The following FBXW11 variants were observed in gnomAD, a reference collection of about 807,000 sequenced individuals.
The protein encoded by FBXW11 is F-box/WD repeat-containing protein 11.
Under a neutral mutation model 77.6 loss-of-function variants are expected in FBXW11, and 19 were observed. The ratio of observed to expected loss-of-function variants is 0.24; its 90% confidence interval spans 0.17 to 0.36. The LOEUF (loss-of-function observed/expected upper bound fraction) is 0.36, where lower values mean the gene tolerates loss of function less well. Ranked by LOEUF, FBXW11 falls within the 10% of genes least tolerant of loss-of-function variation. The probability of loss-of-function intolerance (pLI) is 1.00; values close to 1 mark genes in which losing one functional copy is unlikely to be tolerated. For synonymous variants in FBXW11, 235 were observed against 249.4 expected (o/e 0.94, Z 0.54); for missense variants, 334 against 704.2 (o/e 0.47, Z 5.95).
rs575096832 is a variant in FBXW11 at position 171,880,648 on chromosome 5, T to C, written c.853-2519A>G. On this transcript the variant is annotated intron_variant, in intron 7 of 13. Coordinates refer to ENST00000517395, the MANE Select transcript of FBXW11 (RefSeq NM_001378974.1). ...CTTCACATAGATCTTATAAATATTT[T>C]GTTAGATTTATACCTAAGTATTTCA... 1.6e-3 allele frequency among the ~76,000 whole-genome samples: 244 copies of C among 152,346 alleles called. 1 individual carries two copies. Among genetic ancestry groups the C allele is most frequent in the Middle Eastern group, 3.4e-3 (1 of 294 alleles).
chr5:172,003,354 C>A (rs1233132663), intron 1 of FBXW11: 1 of 152,080 alleles, frequency 6.6e-6, no homozygotes, highest in African/African-American at 2.4e-5. Flanking sequence ...TAATAAATAC[C>A]ACGTGATACA....
At chr5:171,970,572 TAC>T (rs1175387136) in intron 1 of FBXW11, among the ~76,000 whole-genome samples, 1 of 152,216 alleles carries the variant, frequency 6.6e-6, no homozygotes, top group Non-Finnish European at 1.5e-5. Context: ...CTTGAATACA[TAC>T]AACATTTATT....
At chr5:171,912,149 A>G (rs907080833) in intron 3 of FBXW11, among the ~76,000 whole-genome samples, 7 of 152,132 alleles carry the variant, frequency 4.6e-5, no homozygotes, top group Non-Finnish European at 1.0e-4. Context: ...TAAATATCCA[A>G]AGGAGTCTTC....
chr5:171,998,695 G>A (rs1165659760), intron 1 of FBXW11, among the ~76,000 whole-genome samples: 1 of 151,216 alleles, frequency 6.6e-6, no homozygotes, highest in African/African-American at 2.4e-5. Context: ...TACTCGGGAG[G>A]CTGAGGAAGG....
At chr5:171,891,335 T>C in intron 7 of FBXW11, 132 bp downstream of exon 7, 1 of 765,268 alleles carries the variant, frequency 1.3e-6, no homozygotes, top group Non-Finnish European at 2.0e-6. Flanking sequence ...TCTTTAGAAC[T>C]ACACTGAGAG....
chr5:171,965,130 G>A (rs766351144), intron 1 of FBXW11, among the ~76,000 whole-genome samples: 1 of 152,128 alleles, frequency 6.6e-6, no homozygotes, highest in Non-Finnish European at 1.5e-5. Context: ...AAAAGTAGTG[G>A]AATCAGGACT....
intron 7 of FBXW11, among the ~76,000 whole-genome samples, chr5:171,890,987 T>C (rs1003127777): frequency 2.0e-5 from 3 of 152,162 alleles, no homozygotes; most frequent in Admixed American, 6.5e-5. Flanking sequence ...ATACAAACAA[T>C]GTAAAATAAA....
chr5:171,893,324 A>G (rs984062227), intron 6 of FBXW11, among the ~76,000 whole-genome samples: 1 of 147,340 alleles, frequency 6.8e-6, no homozygotes, highest in African/African-American at 2.5e-5. Flanking sequence ...GGAAATACTC[A>G]TTTGTCCATC....
intron 3 of FBXW11, among the ~76,000 whole-genome samples, chr5:171,913,828 C>CACACACACATACAT (rs1370055628): frequency 8.5e-6 from 1 of 117,968 alleles, no homozygotes; most frequent in African/African-American, 3.6e-5. Context: ...TACACACACA[C>CACACACACATACAT]ACACACACAC....
At chr5:171,936,321 T>C (rs552234959) in intron 2 of FBXW11, among the ~76,000 whole-genome samples, 13 of 151,256 alleles carry the variant, frequency 8.6e-5, no homozygotes, top group African/African-American at 2.7e-4. Flanking sequence ...GCAAGACCCA[T>C]CTCTTAAAAA....
At chr5:171,975,730 G>C (rs1764793648) in intron 1 of FBXW11, among the ~76,000 whole-genome samples, 1 of 152,108 alleles carries the variant, frequency 6.6e-6, no homozygotes, top group Non-Finnish European at 1.5e-5. Flanking sequence ...GCAAACAGTA[G>C]GTATTTAACA....
At chr5:171,958,701 G>T (rs1465827619) in intron 1 of FBXW11, among the ~76,000 whole-genome samples, 1 of 152,146 alleles carries the variant, frequency 6.6e-6, no homozygotes, top group Non-Finnish European at 1.5e-5. Context: ...AGACCATACT[G>T]TAAAGTTAAT....
chr5:171,965,003 G>A (rs960465923), intron 1 of FBXW11, among the ~76,000 whole-genome samples: 2 of 152,000 alleles, frequency 1.3e-5, no homozygotes, highest in Non-Finnish European at 2.9e-5. Context: ...TATATGTTAA[G>A]GGAAGAAAAG....
intron 7 of FBXW11, among the ~76,000 whole-genome samples, chr5:171,882,828 G>A (rs1319686731): frequency 6.6e-6 from 1 of 151,606 alleles, no homozygotes; most frequent in African/African-American, 2.4e-5. Context: ...TTGTACAGGT[G>A]GTATTTGGTT....
chr5:171,981,145 A>C (rs907103151), intron 1 of FBXW11, among the ~76,000 whole-genome samples: 10 of 39,196 alleles, frequency 2.6e-4, no homozygotes, highest in African/African-American at 4.4e-4. Context: ...TGTGACCTCC[A>C]TTAAAAAAAA....
chr5:172,002,554 T>C (rs958632650), intron 1 of FBXW11, among the ~76,000 whole-genome samples: 3 of 150,686 alleles, frequency 2.0e-5, no homozygotes, highest in Admixed American at 2.0e-4. Flanking sequence ...GACAAAGTAA[T>C]ATCCAATTTC....
chr5:171,967,464 G>A (rs1180105405), intron 1 of FBXW11, among the ~76,000 whole-genome samples: 4 of 152,054 alleles, frequency 2.6e-5, no homozygotes, highest in South Asian at 2.1e-4. Context: ...TACAATACAC[G>A]GAAAGAATTC....
At chr5:171,981,012 C>T (rs1352966326) in intron 1 of FBXW11, among the ~76,000 whole-genome samples, 1 of 152,134 alleles carries the variant, frequency 6.6e-6, no homozygotes, top group Non-Finnish European at 1.5e-5. Context: ...CAAATTTTCA[C>T]TGCCCCCACC....
intron 3 of FBXW11, 68 bp downstream of exon 3, chr5:171,914,271 GGACA>G: frequency 1.6e-6 from 2 of 1,286,786 alleles, no homozygotes; most frequent in Non-Finnish European, 2.2e-6. Flanking sequence ...ATTCCACTGA[GGACA>G]TTAACTGAGG....
Sources: gnomAD v4.1 joint callset for allele counts (sites outside exome capture counted in the v4.1 genomes callset) on GRCh38, gnomAD v4.1.1 for gene constraint, MANE v1.5 for transcripts, NCBI Gene and HGNC (gene_info 2026-07-23, HGNC 2026-07-21) for gene names.